Variants in MAGI2 observed in about 807,000 individuals in gnomAD.
MAGI2 encodes the protein membrane associated guanylate kinase, WW and PDZ domain containing 2.
In MAGI2, 35 loss-of-function variants were observed where a neutral mutation model predicts 133.3. That is an observed-to-expected ratio of 0.26 (90% CI 0.20 to 0.35). The LOEUF (loss-of-function observed/expected upper bound fraction) is 0.35. MAGI2 is among the 10% of genes least tolerant of loss of function. The probability of loss-of-function intolerance (pLI) is 1.00; values close to 1 mark genes in which losing one functional copy is unlikely to be tolerated. For missense variants in MAGI2, 1,636 were observed against 1,863.4 expected (o/e 0.88, Z 2.25); for synonymous variants, 729 against 710.6 (o/e 1.03, Z -0.41).
At chr7:79,368,344 A>G (rs951656797) in intron 1 of MAGI2, among the ~76,000 whole-genome samples, 4 of 152,152 alleles carry the variant, frequency 2.6e-5, no homozygotes, top group African/African-American at 9.7e-5. Context: ...ATTAGCCCTC[A>G]GAAAAACCCC....
At chr7:78,537,309 G>T (rs890448399) in intron 3 of MAGI2, among the ~76,000 whole-genome samples, 3 of 152,120 alleles carry the variant, frequency 2.0e-5, no homozygotes, top group African/African-American at 7.2e-5. Flanking sequence ...ATAAACGTGG[G>T]TGTGCAAGTG....
intron 7 of MAGI2, among the ~76,000 whole-genome samples, chr7:78,367,053 C>T (rs1376729409): frequency 1.3e-5 from 2 of 150,458 alleles, no homozygotes; most frequent in Admixed American, 6.6e-5. Flanking sequence ...GGCTGTGTTA[C>T]ATGGAAAATG....
intron 1 of MAGI2, among the ~76,000 whole-genome samples, chr7:79,119,685 A>G (rs747440573): frequency 3.3e-5 from 5 of 152,050 alleles, no homozygotes; most frequent in Non-Finnish European, 7.4e-5. Context: ...TTCAATCCCA[A>G]CGCTCATCCC....
At chr7:79,235,960 C>A (rs1260213338) in intron 1 of MAGI2, among the ~76,000 whole-genome samples, 1 of 152,168 alleles carries the variant, frequency 6.6e-6, no homozygotes, top group Non-Finnish European at 1.5e-5. Flanking sequence ...ATATGCATTT[C>A]TACTTAATTT....
intron 7 of MAGI2, among the ~76,000 whole-genome samples, chr7:78,349,223 A>C (rs1257139152): frequency 1.3e-5 from 2 of 152,220 alleles, no homozygotes; most frequent in Non-Finnish European, 2.9e-5. Context: ...TGAGCATCTA[A>C]TACAGTGAAT....
intron 6 of MAGI2, among the ~76,000 whole-genome samples, chr7:78,401,864 G>A (rs1302893683): frequency 1.3e-5 from 2 of 152,072 alleles, no homozygotes; most frequent in Non-Finnish European, 2.9e-5. Flanking sequence ...GTATGAGTAA[G>A]CAGTTACAAC....
At chr7:78,501,856 G>A in intron 4 of MAGI2, 69 bp from the exon 5 acceptor site, 2 of 1,132,638 alleles carry the variant, frequency 1.8e-6, no homozygotes, top group Non-Finnish European at 2.6e-6. Context: ...TATGGAGAAT[G>A]CTGTACCAGG....
At chr7:78,765,491 G>A (rs1824931745) in intron 2 of MAGI2, among the ~76,000 whole-genome samples, 1 of 151,688 alleles carries the variant, frequency 6.6e-6, no homozygotes, top group Non-Finnish European at 1.5e-5. Context: ...TGGAGTTACA[G>A]GTGTCCACTA....
chr7:79,101,594 G>A (rs1817976008), intron 1 of MAGI2, among the ~76,000 whole-genome samples: 1 of 151,734 alleles, frequency 6.6e-6, no homozygotes, highest in Non-Finnish European at 1.5e-5. Flanking sequence ...CGTGGTGGCG[G>A]GCGCCCGTAG....
rs776122356 is a variant in MAGI2 at position 78,256,401 on chromosome 7, A to G, written c.1589T>C (p.Met530Thr). Reference sequence around the variant, plus strand: ...GACCATCACTGGAGGTGGCCTCTCCATTATTGCAAGGGGTGGCACCATGCT... The same window carrying G: ...GACCATCACTGGAGGTGGCCTCTCCGTTATTGCAAGGGGTGGCACCATGCT... The part of the protein sequence containing the change: ...ANSMVPPLAI[M>T]ERPPPVMVNG... The change falls in exon 10 of 22, where the codon ATG becomes ACG. Residue 530 changes from methionine (M) to threonine (T), a missense_variant. Transcript: ENST00000354212. 1.4e-5 allele frequency: 22 copies of G among 1,613,822 alleles called. No individual in the cohort carries two copies. The highest frequency in any genetic ancestry group is 1.8e-5 in the Non-Finnish European group (21 of 1,179,980).
At chr7:78,857,848 C>T (rs1198755934) in intron 2 of MAGI2, among the ~76,000 whole-genome samples, 2 of 152,110 alleles carry the variant, frequency 1.3e-5, no homozygotes, top group Non-Finnish European at 2.9e-5. Flanking sequence ...CTCTTTGTAC[C>T]TCTGGTAGAA....
At chr7:79,331,660 T>A (rs1015030581) in intron 1 of MAGI2, among the ~76,000 whole-genome samples, 1 of 152,200 alleles carries the variant, frequency 6.6e-6, no homozygotes, top group East Asian at 1.9e-4. Context: ...CAATGATTCA[T>A]GGATCTTTTG....
intron 1 of MAGI2, among the ~76,000 whole-genome samples, chr7:79,251,767 G>T (rs1300110266): frequency 6.6e-6 from 1 of 152,052 alleles, no homozygotes; most frequent in Non-Finnish European, 1.5e-5. Flanking sequence ...TCAGTATATC[G>T]AAAAGACATC....
At chr7:78,117,794 T>C (rs1820026146) in intron 20 of MAGI2, among the ~76,000 whole-genome samples, 1 of 152,178 alleles carries the variant, frequency 6.6e-6, no homozygotes, top group Non-Finnish European at 1.5e-5. Context: ...TTTGAAGTAA[T>C]AAGAGAGTTC....
At chr7:78,087,406 T>C (rs1005197930) in intron 20 of MAGI2, among the ~76,000 whole-genome samples, 9 of 152,226 alleles carry the variant, frequency 5.9e-5, no homozygotes, top group Admixed American at 5.2e-4. Context: ...GGGAAGTGCA[T>C]TGTAATCTCT....
At chr7:78,815,738 AC>A (rs1789514137) in intron 2 of MAGI2, among the ~76,000 whole-genome samples, 1 of 152,184 alleles carries the variant, frequency 6.6e-6, no homozygotes, top group Admixed American at 6.5e-5. Context: ...CTTGCTTAAG[AC>A]AGCAAAATTA....
intron 9 of MAGI2, among the ~76,000 whole-genome samples, chr7:78,339,805 A>G (rs1473190197): frequency 1.3e-5 from 2 of 152,186 alleles, no homozygotes; most frequent in African/African-American, 4.8e-5. Context: ...TGTACACATG[A>G]CTTTTATAAC....
chr7:79,276,927 C>A (rs1035457787), intron 1 of MAGI2, among the ~76,000 whole-genome samples: 1 of 151,954 alleles, frequency 6.6e-6, no homozygotes, highest in Non-Finnish European at 1.5e-5. Flanking sequence ...TTGCACACTG[C>A]ACTCCAGCCT....
intron 1 of MAGI2, among the ~76,000 whole-genome samples, chr7:79,022,919 A>G (rs972127433): frequency 2.0e-5 from 3 of 152,172 alleles, no homozygotes; most frequent in African/African-American, 7.2e-5. Context: ...ATTCTACCAG[A>G]TATATAAGGA....
Sources: allele counts gnomAD v4.1 joint callset (sites outside exome capture counted in the v4.1 genomes callset), GRCh38; gene constraint gnomAD v4.1.1; transcripts MANE v1.5; gene names NCBI Gene and HGNC (gene_info 2026-07-23, HGNC 2026-07-21).